Variants in ASCC3 observed in about 807,000 individuals in gnomAD.
ASCC3 encodes activating signal cointegrator 1 complex subunit 3.
ASCC3 carries 158 observed loss-of-function variants against 256.3 expected under a neutral mutation model. That is an observed-to-expected ratio of 0.62 (90% CI 0.54 to 0.70). The LOEUF (loss-of-function observed/expected upper bound fraction) is 0.70, where lower values mean the gene tolerates loss of function less well. ASCC3 is among the 30% of genes least tolerant of loss of function. ASCC3 has a pLI of 0.00. For missense variants in ASCC3, 2,259 were observed against 2,626.0 expected (o/e 0.86, Z 3.05); for synonymous variants, 948 against 883.4 (o/e 1.07, Z -1.30).
chr6:100,723,356 T>C lies in ASCC3; in HGVS notation c.1902+2183A>G, dbSNP rs541438383. On this transcript the variant is annotated intron_variant, in intron 11 of 41. Coordinates refer to ENST00000369162, the MANE Select transcript of ASCC3 (RefSeq NM_006828.4). Reference sequence around the variant, plus strand: ...AATATTTATGCATCCAAATGTGACATAGGTTTCATTTATAACTTCTTGAGC... The same window carrying C: ...AATATTTATGCATCCAAATGTGACACAGGTTTCATTTATAACTTCTTGAGC... Among the ~76,000 whole-genome samples, 91 of 151,840 alleles carry C rather than the reference T, an allele frequency of 6.0e-4. 1 individual carries two copies. The highest frequency in any genetic ancestry group is 1.0e-3 in the South Asian group (5 of 4,830).
chr6:100,764,479 T>G (rs377252726), intron 10 of ASCC3, among the ~76,000 whole-genome samples: 1 of 152,330 alleles, frequency 6.6e-6, no homozygotes, highest in South Asian at 2.1e-4. Flanking sequence ...TAGTTTATAT[T>G]GAGAAGCATC....
At chr6:100,828,865 G>C (rs1771470166) in intron 4 of ASCC3, among the ~76,000 whole-genome samples, 2 of 152,064 alleles carry the variant, frequency 1.3e-5, no homozygotes, top group African/African-American at 4.8e-5. Context: ...GCCACTGCTA[G>C]CTCCAGCAGC....
rs1384673958 is a variant in ASCC3, at chr6:100,590,051, T to C, written c.5312A>G (p.Asn1771Ser). ...RRLIMNPSYY[N>S]LGDVSHDSVN... ...AGAATCATGGCTCACATCACCCAAA[T>C]TGTAATAGCTAGAAAACAAGCAAGG... The change falls in exon 35 of 42, where the codon AAT (asparagine) becomes AGT (serine). Residue 1771 changes from asparagine to serine, a missense_variant. By Grantham distance (46) the Asn-to-Ser change is conservative. Around this residue, in one of 2 missense-constraint regions of ASCC3, gnomAD observed 1,839 missense variants for 2,206.7 expected, o/e 0.83. Transcript: ENST00000369162. 26 of 1,609,666 alleles carry C rather than the reference T, an allele frequency of 1.6e-5. No individual in the cohort carries two copies. The highest frequency in any genetic ancestry group is 4.4e-5 in the South Asian group (4 of 90,960).
intron 8 of ASCC3, among the ~76,000 whole-genome samples, chr6:100,786,579 G>C (rs1386766291): frequency 2.0e-5 from 3 of 152,018 alleles, no homozygotes; most frequent in South Asian, 2.1e-4. Context: ...GTAATTTAAA[G>C]GTTCAACTCA....
Position 100,881,054 on chromosome 6 carries a change from T to G in ASCC3, c.-42+7A>C, listed in dbSNP as rs1366663791. The G allele has an allele frequency of 2.0e-5, 3 of 152,302 alleles. No individual in the cohort carries two copies. Among genetic ancestry groups the G allele is most frequent in the Non-Finnish European group, 4.4e-5 (3 of 68,126 alleles). 9.4% of individuals were successfully genotyped at this position (152,302 alleles called of 1,614,324 possible). ...TCGTCCTCCCACCTCCACCTCCACCTCCTCACCTCTCGGCCTGGCTCACGC... is the reference window on the plus strand; with the variant it reads ...TCGTCCTCCCACCTCCACCTCCACCGCCTCACCTCTCGGCCTGGCTCACGC... On this transcript the variant is annotated splice_region_variant and intron_variant, in intron 1 of 41. Transcript: ENST00000369162.
chr6:100,822,429 C>T (rs1049995198), intron 4 of ASCC3, among the ~76,000 whole-genome samples: 1 of 151,020 alleles, frequency 6.6e-6, no homozygotes, highest in African/African-American at 2.4e-5. Context: ...CCCAACTACT[C>T]AGGAGGTTGA....
chr6:100,817,983 A>T (rs928025426), intron 4 of ASCC3, among the ~76,000 whole-genome samples: 18 of 152,216 alleles, frequency 1.2e-4, no homozygotes, highest in Non-Finnish European at 2.5e-4. Flanking sequence ...TCTTAGGAAT[A>T]TGAACACAAA....
At chr6:100,618,875 G>A (rs958584497) in intron 30 of ASCC3, among the ~76,000 whole-genome samples, 2 of 152,112 alleles carry the variant, frequency 1.3e-5, no homozygotes, top group African/African-American at 2.4e-5. Flanking sequence ...ACATCATGAC[G>A]ATACCCTGTA....
At chr6:100,826,189 T>A (rs973747979) in intron 4 of ASCC3, among the ~76,000 whole-genome samples, 3 of 152,224 alleles carry the variant, frequency 2.0e-5, no homozygotes, top group Non-Finnish European at 2.9e-5. Flanking sequence ...TGGAGTGCAG[T>A]GGCGTGATCT....
intron 13 of ASCC3, among the ~76,000 whole-genome samples, chr6:100,704,510 G>A (rs1187537699): frequency 1.3e-5 from 2 of 151,870 alleles, no homozygotes; most frequent in African/African-American, 4.8e-5. Flanking sequence ...AATTTGTTTT[G>A]ATTTTTACAT....
intron 29 of ASCC3, among the ~76,000 whole-genome samples, chr6:100,626,147 G>A (rs1010556309): frequency 7.3e-6 from 1 of 136,956 alleles, no homozygotes; most frequent in Non-Finnish European, 1.6e-5. Context: ...GAGGTTTTTT[G>A]TTTGTTTGTT....
intron 8 of ASCC3, among the ~76,000 whole-genome samples, chr6:100,782,979 A>C (rs934454172): frequency 1.3e-5 from 2 of 152,028 alleles, no homozygotes; most frequent in Non-Finnish European, 2.9e-5. Context: ...AAAGGTTGCT[A>C]GTTTTTGAAA....
At chr6:100,581,505 T>A (rs1253353386) in intron 36 of ASCC3, among the ~76,000 whole-genome samples, 1 of 152,082 alleles carries the variant, frequency 6.6e-6, no homozygotes, top group Non-Finnish European at 1.5e-5. Flanking sequence ...ATGAGTAGGT[T>A]GCGAAAATTT....
chr6:100,687,616 C>T (rs916622172), intron 13 of ASCC3, among the ~76,000 whole-genome samples: 10 of 151,798 alleles, frequency 6.6e-5, no homozygotes, highest in African/African-American at 2.2e-4. Flanking sequence ...TCATAATATA[C>T]TATGGTAATA....
intron 36 of ASCC3, among the ~76,000 whole-genome samples, chr6:100,571,401 A>G (rs886860051): frequency 2.0e-5 from 3 of 152,068 alleles, no homozygotes; most frequent in African/African-American, 7.2e-5. Flanking sequence ...TGTTTTCCCC[A>G]TATCTCACTT....
At chr6:100,625,711 C>G (rs1056203931) in intron 29 of ASCC3, among the ~76,000 whole-genome samples, 1 of 152,018 alleles carries the variant, frequency 6.6e-6, no homozygotes, top group Non-Finnish European at 1.5e-5. Context: ...TTGTGTTTGC[C>G]TAAGCAGTGA....
chr6:100,795,014 C>A (rs1190124429), intron 8 of ASCC3, among the ~76,000 whole-genome samples: 1 of 152,068 alleles, frequency 6.6e-6, no homozygotes, highest in Non-Finnish European at 1.5e-5. Flanking sequence ...CCCTTTGACT[C>A]CTGGTGGCTC....
intron 16 of ASCC3, among the ~76,000 whole-genome samples, chr6:100,660,715 A>G (rs967255289): frequency 1.6e-4 from 24 of 151,538 alleles, no homozygotes; most frequent in African/African-American, 5.8e-4. Context: ...ACTTCACCTA[A>G]AAGTCCCAAT....
chr6:100,628,099 A>C (rs1475591811), intron 27 of ASCC3, 112 bp from the exon 28 acceptor site: 3 of 1,153,114 alleles, frequency 2.6e-6, no homozygotes, highest in Admixed American at 5.0e-5. Flanking sequence ...AACAAAAAAA[A>C]AAACAAAAAA....
Sources: allele counts gnomAD v4.1 joint callset (sites outside exome capture counted in the v4.1 genomes callset), GRCh38; gene constraint gnomAD v4.1.1; regional missense constraint gnomAD v4.1.1; transcripts MANE v1.5; gene names NCBI Gene and HGNC (gene_info 2026-07-23, HGNC 2026-07-21).